The following RCOR1 variants were observed in gnomAD, a reference collection of about 807,000 sequenced individuals.
RCOR1 encodes the protein REST corepressor 1.
In RCOR1, 12 loss-of-function variants were observed where a neutral mutation model predicts 64.0. The observed-to-expected ratio is 0.19, with a 90% CI of 0.12 to 0.30. RCOR1 has a LOEUF of 0.30. Ranked by LOEUF, RCOR1 falls within the 10% of genes least tolerant of loss-of-function variation. The pLI is 1.00. For synonymous variants in RCOR1, 279 were observed against 227.2 expected, an observed-to-expected ratio of 1.23 and a Z score of -2.05; for missense variants, 502 against 621.2, an observed-to-expected ratio of 0.81 and a Z score of 2.04.
intron 2 of RCOR1, among the ~76,000 whole-genome samples, chr14:102,613,509 T>C (rs1190257205): frequency 6.7e-6 from 1 of 149,602 alleles, no homozygotes; most frequent in Non-Finnish European, 1.5e-5. Context: ...CTCTGCTCAC[T>C]GCAAGCTCCG....
chr14:102,610,297 A>C (rs774672989), intron 2 of RCOR1, among the ~76,000 whole-genome samples: 1 of 152,188 alleles, frequency 6.6e-6, no homozygotes, highest in South Asian at 2.1e-4. Flanking sequence ...CCTTGTAGTT[A>C]TCTAGAGCTG....
intron 3 of RCOR1, chr14:102,695,584 T>A (rs1895628573): frequency 2.0e-5 from 3 of 152,382 alleles, no homozygotes; most frequent in African/African-American, 7.2e-5. Flanking sequence ...CTTGCTCTGT[T>A]GCCCAGGCTA....
intron 2 of RCOR1, among the ~76,000 whole-genome samples, chr14:102,649,213 T>TA (rs772510578): frequency 2.0e-5 from 3 of 152,270 alleles, no homozygotes; most frequent in East Asian, 1.9e-4. Flanking sequence ...AGAATGGACT[T>TA]ACAACAACAG....
In RCOR1 at chr14:102,726,565, T is replaced by G; in HGVS notation, c.*59T>G. 1 of 1,411,208 alleles carries G rather than the reference T, an allele frequency of 7.1e-7. No homozygotes were observed. Among genetic ancestry groups the G allele is most frequent in the Non-Finnish European group, 9.8e-7 (1 of 1,016,972 alleles). 87.4% of individuals were successfully genotyped at this position (1,411,208 alleles called of 1,614,324 possible). On this transcript the variant is annotated 3_prime_UTR_variant, in exon 12 of 12. Coordinates refer to ENST00000262241, the MANE Select transcript of RCOR1 (RefSeq NM_015156.4). ...ACTGTGTTATCCGGGATATCAGGTA[T>G]TATGAGACATCACCTAGCCATCTGC...
chr14:102,642,281 T>C (rs1034156079), intron 2 of RCOR1, among the ~76,000 whole-genome samples: 1 of 152,208 alleles, frequency 6.6e-6, no homozygotes, highest in Non-Finnish European at 1.5e-5. Context: ...TTGATTAGTG[T>C]AAGTTGTATT....
intron 2 of RCOR1, among the ~76,000 whole-genome samples, chr14:102,663,628 T>C (rs927789183): frequency 6.6e-6 from 1 of 152,152 alleles, no homozygotes; most frequent in Non-Finnish European, 1.5e-5. Flanking sequence ...GGCTTTTTTT[T>C]CTCTTGGATT....
At chr14:102,607,035 G>A (rs528011068) in intron 2 of RCOR1, among the ~76,000 whole-genome samples, 1 of 150,366 alleles carries the variant, frequency 6.7e-6, no homozygotes, top group East Asian at 2.0e-4. Context: ...CCGGATTCAA[G>A]TGGTTCTCCT....
chr14:102,708,712 T>TG (rs1359599541), intron 6 of RCOR1, 129 bp downstream of exon 6: 1 of 610,726 alleles, frequency 1.6e-6, no homozygotes, highest in African/African-American at 1.9e-5. Context: ...GTTCATGAGA[T>TG]GTATTAGAGC....
chr14:102,618,172 C>T (rs902211663), intron 2 of RCOR1, among the ~76,000 whole-genome samples: 5 of 151,624 alleles, frequency 3.3e-5, no homozygotes, highest in Non-Finnish European at 7.4e-5. Context: ...TGGGGTCTCA[C>T]CATGTTTTCC....
At chr14:102,683,814 G>A (rs1895355057) in intron 3 of RCOR1, among the ~76,000 whole-genome samples, 1 of 152,236 alleles carries the variant, frequency 6.6e-6, no homozygotes, top group South Asian at 2.1e-4. Flanking sequence ...ACAGCTGGAA[G>A]CTGGCAGTGC....
chr14:102,701,128 G>A (rs1330297812), intron 3 of RCOR1, 150 bp from the exon 4 acceptor site: 4 of 688,990 alleles, frequency 5.8e-6, no homozygotes, highest in Non-Finnish European at 1.0e-5. Flanking sequence ...CTTGGGAATT[G>A]TGGGAGATAC....
chr14:102,710,884 T>G lies in RCOR1; in HGVS notation c.780-51T>G. The G allele has an allele frequency of 3.1e-6, 4 of 1,304,926 alleles. No individual in the cohort carries two copies. In the East Asian group the frequency reaches 9.4e-5, roughly 31 times the overall value. 80.8% of individuals were successfully genotyped at this position (1,304,926 alleles called of 1,614,324 possible). A position where few individuals can be genotyped will look rare whatever the true frequency, so the allele number is the denominator to read the frequency against. ...AGTTAAATCAATTTATCGTTTGTAT[T>G]CGGAAAATTAGTACAAAATAATCAT... On this transcript the variant is annotated intron_variant, in intron 6 of 11. Coordinates refer to ENST00000262241, the MANE Select transcript of RCOR1 (RefSeq NM_015156.4).
At chr14:102,695,399 A>AG (rs11412600) in intron 3 of RCOR1, 152,378 of 152,380 alleles carry the variant, frequency 1, 76,188 homozygotes, top group Non-Finnish European at 1. Flanking sequence ...GCTGGTCCGA[A>AG]GTAGTGAGTT....
At chr14:102,671,895 T>C (rs1377689254) in intron 2 of RCOR1, among the ~76,000 whole-genome samples, 1 of 152,200 alleles carries the variant, frequency 6.6e-6, no homozygotes, top group African/African-American at 2.4e-5. Context: ...CATCTTTCTG[T>C]CTGGACGGTT....
intron 2 of RCOR1, among the ~76,000 whole-genome samples, chr14:102,605,489 T>A (rs1200038000): frequency 6.6e-6 from 1 of 152,192 alleles, no homozygotes; most frequent in Non-Finnish European, 1.5e-5. Context: ...AAAATTTCTG[T>A]CGCCTAGTAA....
At chr14:102,593,652 C>G (rs1893181485) in intron 2 of RCOR1, among the ~76,000 whole-genome samples, 1 of 152,218 alleles carries the variant, frequency 6.6e-6, no homozygotes, top group Admixed American at 6.5e-5. Context: ...TGAGCTGCGC[C>G]TCGGCCAGGG....
chr14:102,637,045 C>G (rs1176911261), intron 2 of RCOR1, among the ~76,000 whole-genome samples: 1 of 151,966 alleles, frequency 6.6e-6, no homozygotes, highest in Non-Finnish European at 1.5e-5. Flanking sequence ...TTGACATAGA[C>G]TTTGTAAATG....
intron 2 of RCOR1, among the ~76,000 whole-genome samples, chr14:102,613,811 C>T (rs1217805876): frequency 6.6e-6 from 1 of 151,358 alleles, no homozygotes; most frequent in Non-Finnish European, 1.5e-5. Flanking sequence ...CTACCTTGGC[C>T]TCACAAAGTG....
intron 2 of RCOR1, among the ~76,000 whole-genome samples, chr14:102,621,292 A>C (rs772654835): frequency 1.4e-4 from 21 of 151,686 alleles, no homozygotes; most frequent in Non-Finnish European, 2.2e-4. Flanking sequence ...GATTTAAATA[A>C]TTCTTTGTAA....
Sources: allele counts gnomAD v4.1 joint callset (sites outside exome capture counted in the v4.1 genomes callset), GRCh38; gene constraint gnomAD v4.1.1; transcripts MANE v1.5; gene names NCBI Gene and HGNC (gene_info 2026-07-23, HGNC 2026-07-21).